RBMS3: variants seen among roughly 807,000 people sequenced by gnomAD.
RBMS3 encodes RNA binding motif single stranded interacting protein 3.
In RBMS3, 27 loss-of-function variants were observed where a neutral mutation model predicts 66.8. That is an observed-to-expected ratio of 0.40 (90% CI 0.30 to 0.56). The LOEUF is 0.56. Ranked by LOEUF, RBMS3 falls within the 20% of genes least tolerant of loss-of-function variation. The pLI, the probability that RBMS3 is intolerant of heterozygous loss-of-function variation, is 0.40. For synonymous variants in RBMS3, 188 were observed against 183.0 expected (o/e 1.03, Z -0.22); for missense variants, 513 against 549.5 (o/e 0.93, Z 0.66).
chr3:29,720,910 G>A (rs1229192063), intron 4 of RBMS3, among the ~76,000 whole-genome samples: 5 of 152,098 alleles, frequency 3.3e-5, no homozygotes, highest in Admixed American at 2.0e-4. Flanking sequence ...GACTAAATAA[G>A]TAAATGATGC....
intron 12 of RBMS3, among the ~76,000 whole-genome samples, chr3:29,952,510 C>G (rs144361967): frequency 6.6e-6 from 1 of 151,792 alleles, no homozygotes; most frequent in African/African-American, 2.4e-5. Context: ...TGAAAGGGGA[C>G]GGTATATAAT....
At position 29,549,764 on chromosome 3, in the gene RBMS3, G is replaced by C. The variant is rs1576197579; in HGVS notation, c.308-37350G>C. On this transcript the variant is annotated intron_variant, in intron 3 of 14. Coordinates refer to ENST00000383767, the MANE Select transcript of RBMS3 (RefSeq NM_001003793.3). ...AGGAATATATGGAATGCTTAACAAG[G>C]CTGGCAGCTATGCTAGTGCACAGAG... Among the ~76,000 whole-genome samples, 6 of 151,990 alleles carry C rather than the reference G, an allele frequency of 3.9e-5. No individual in the cohort carries two copies. In the East Asian group the frequency reaches 9.7e-4, roughly 24 times the overall value.
At chr3:29,494,102 C>G (rs558224554) in intron 3 of RBMS3, among the ~76,000 whole-genome samples, 1 of 152,126 alleles carries the variant, frequency 6.6e-6, no homozygotes, top group African/African-American at 2.4e-5. Flanking sequence ...AGCTGTTACA[C>G]GTACAGCATA....
intron 4 of RBMS3, among the ~76,000 whole-genome samples, chr3:29,722,496 T>A (rs2149322732): frequency 6.6e-6 from 1 of 152,234 alleles, no homozygotes; most frequent in South Asian, 2.1e-4. Context: ...GTCTAATCTA[T>A]AGAACTGAGT....
intron 8 of RBMS3, among the ~76,000 whole-genome samples, chr3:29,892,724 T>G (rs1177528146): frequency 6.6e-6 from 1 of 151,468 alleles, no homozygotes; most frequent in Non-Finnish European, 1.5e-5. Flanking sequence ...ACAAAAAACA[T>G]AAATTCATAT....
At chr3:29,672,357 G>T (rs947442979) in intron 4 of RBMS3, among the ~76,000 whole-genome samples, 1 of 152,150 alleles carries the variant, frequency 6.6e-6, no homozygotes, top group East Asian at 1.9e-4. Context: ...GACCATCAAT[G>T]CTAGGAAGAA....
Position 29,719,988 on chromosome 3 carries a change from G to A in RBMS3, c.400-19732G>A, listed in dbSNP as rs183932813. The stretch of plus-strand genomic sequence containing the variant: ...TCTTTCCCCACTTAAATTCATCAAT[G>A]TCTTCTCATTGTACTTAGCATAATC... On this transcript the variant is annotated intron_variant, in intron 4 of 14. Coordinates refer to ENST00000383767, the MANE Select transcript of RBMS3 (RefSeq NM_001003793.3). Among the ~76,000 whole-genome samples the A allele has an allele frequency of 3.2e-3, 479 of 148,938 alleles. 4 individuals carry two copies. Among genetic ancestry groups the A allele is most frequent in the African/African-American group, 0.011 (461 of 40,228 alleles).
intron 1 of RBMS3, among the ~76,000 whole-genome samples, chr3:29,374,118 ATTTGACT>A (rs2038345914): frequency 6.6e-6 from 1 of 152,218 alleles, no homozygotes; most frequent in Non-Finnish European, 1.5e-5. Flanking sequence ...GACTATAACC[ATTTGACT>A]TTTCTCCATC....
intron 4 of RBMS3, among the ~76,000 whole-genome samples, chr3:29,676,389 C>T (rs913892612): frequency 2.0e-5 from 3 of 152,074 alleles, no homozygotes; most frequent in Admixed American, 6.5e-5. Context: ...CAAACCTGCA[C>T]GTTGTGCACA....
intron 10 of RBMS3, among the ~76,000 whole-genome samples, chr3:29,918,302 A>G (rs1237805131): frequency 6.6e-6 from 1 of 152,166 alleles, no homozygotes; most frequent in African/African-American, 2.4e-5. Context: ...TGCCAATCAC[A>G]TTAGCATATG....
At chr3:29,894,944 A>G (rs1173959408) in intron 8 of RBMS3, among the ~76,000 whole-genome samples, 1 of 151,526 alleles carries the variant, frequency 6.6e-6, no homozygotes, top group Non-Finnish European at 1.5e-5. Context: ...GAATGATGAG[A>G]TCAGGACAGA....
chr3:29,987,795 A>G (rs553572665), intron 12 of RBMS3, among the ~76,000 whole-genome samples: 2 of 152,172 alleles, frequency 1.3e-5, no homozygotes, highest in African/African-American at 4.8e-5. Context: ...AAAAGAGAGT[A>G]AAAAAGAGAC....
chr3:29,792,396 T>C (rs2057043730), intron 6 of RBMS3, among the ~76,000 whole-genome samples: 1 of 152,224 alleles, frequency 6.6e-6, no homozygotes, highest in South Asian at 2.1e-4. Context: ...TACTTTGAAA[T>C]GCAGGGCCCT....
intron 10 of RBMS3, among the ~76,000 whole-genome samples, chr3:29,911,679 C>T (rs1457651424): frequency 1.3e-5 from 2 of 151,994 alleles, no homozygotes; most frequent in East Asian, 3.9e-4. Flanking sequence ...CCCAAGAATG[C>T]GTAGTGTCTC....
intron 3 of RBMS3, among the ~76,000 whole-genome samples, chr3:29,496,953 T>C (rs35879): frequency 0.51 from 77,601 of 151,992 alleles, 20,890 homozygotes; most frequent in East Asian, 0.67. Context: ...GCCTTTAGTA[T>C]TGTAACCTAC....
intron 6 of RBMS3, among the ~76,000 whole-genome samples, chr3:29,837,679 T>TATATATATATAATGAAC (rs2058555495): frequency 2.1e-5 from 2 of 93,046 alleles, no homozygotes; most frequent in Non-Finnish European, 4.3e-5. Flanking sequence ...TATATATATA[T>TATATATATATAATGAAC]ATATATATAT....
chr3:29,716,892 TA>T (rs1295835598), intron 4 of RBMS3, among the ~76,000 whole-genome samples: 3 of 132,728 alleles, frequency 2.3e-5, no homozygotes, highest in African/African-American at 9.1e-5. Flanking sequence ...GTAAGTCAGC[TA>T]GTTATAATCA....
intron 3 of RBMS3, among the ~76,000 whole-genome samples, chr3:29,557,377 A>G (rs1466825374): frequency 6.6e-6 from 1 of 152,208 alleles, no homozygotes; most frequent in Non-Finnish European, 1.5e-5. Flanking sequence ...ATCTCTATCA[A>G]TGTCATTCTT....
chr3:29,868,671 C>T (rs1460827593), intron 6 of RBMS3, among the ~76,000 whole-genome samples, 187 bp from the exon 7 acceptor site: 1 of 152,080 alleles, frequency 6.6e-6, no homozygotes, highest in Non-Finnish European at 1.5e-5. Context: ...TCTGCCAGTA[C>T]TTTTTTGAAG....
Sources: gnomAD v4.1 joint callset for allele counts (sites outside exome capture counted in the v4.1 genomes callset) on GRCh38, gnomAD v4.1.1 for gene constraint, MANE v1.5 for transcripts, NCBI Gene and HGNC (gene_info 2026-07-23, HGNC 2026-07-21) for gene names.